NR4A3: variants seen among roughly 807,000 people sequenced by gnomAD.
NR4A3 encodes nuclear receptor subfamily 4 group A member 3.
Under a neutral mutation model 55.6 loss-of-function variants are expected in NR4A3, and 13 were observed. The observed-to-expected ratio is 0.23, with a 90% CI of 0.15 to 0.37. The LOEUF is 0.37. Among genes scored for constraint, NR4A3 ranks in the 10% least tolerant of loss-of-function variants. The probability of loss-of-function intolerance (pLI) is 1.00; values close to 1 mark genes in which losing one functional copy is unlikely to be tolerated. For synonymous variants in NR4A3, 342 were observed against 357.9 expected (o/e 0.96, Z 0.50); for missense variants, 646 against 822.8 (o/e 0.79, Z 2.63).
intron 7 of NR4A3, among the ~76,000 whole-genome samples, chr9:99,848,225 T>G (rs1157234994): frequency 6.6e-6 from 1 of 152,222 alleles, no homozygotes; most frequent in Non-Finnish European, 1.5e-5. Flanking sequence ...CGACCTAAAG[T>G]AAAACCAAAA....
chr9:99,860,687 C>T (rs1194132895), intron 7 of NR4A3, among the ~76,000 whole-genome samples: 1 of 152,196 alleles, frequency 6.6e-6, no homozygotes, highest in African/African-American at 2.4e-5. Context: ...GGAGACAGGT[C>T]CGCACCTGGG....
At position 99,828,547 on chromosome 9, in the gene NR4A3, C is replaced by G. The variant is rs1328725295; in HGVS notation, c.505C>G (p.Pro169Ala). 1 of 1,539,166 alleles carries G rather than the reference C, an allele frequency of 6.5e-7. No individual in the cohort carries two copies. The highest frequency in any genetic ancestry group is 1.9e-5 in the Admixed American group (1 of 51,792). Residue 169 changes from proline to alanine, a missense_variant, in exon 3 of 8, where the codon CCC becomes GCC. This residue lies in a region of NR4A3 where 426 missense variants were observed against 429.4 expected (regional missense o/e 0.99). Transcript: ENST00000395097. This position sits in a 1 kb window ranked among gnomAD's most constrained non-coding sequence, Gnocchi z 7.7. ...GCCCTCGGCGCCCGGCTGCATCGCA[C>G]CCGGCCCGCTGCTGGACCCGCCGAT... ...ALPSAPGCIA[P>A]GPLLDPPMKA... is the part of the protein sequence containing the mutation.
intron 5 of NR4A3, among the ~76,000 whole-genome samples, chr9:99,836,280 T>C (rs1199507351): frequency 6.6e-6 from 1 of 152,178 alleles, no homozygotes; most frequent in African/African-American, 2.4e-5. Flanking sequence ...ATTTAGAATT[T>C]AAACAAATGG....
chr9:99,833,812 C>T (rs1827497522), intron 5 of NR4A3: 1 of 1,302,318 alleles, frequency 7.7e-7, no homozygotes, highest in African/African-American at 1.5e-5. Context: ...ATATTGTGTT[C>T]AAACCATCTG....
chr9:99,865,209 C>T lies in NR4A3; in HGVS notation c.*1342C>T. 1 of 182,318 alleles carries T rather than the reference C, an allele frequency of 5.5e-6. No homozygotes were observed. The allele number at this position is 182,318 out of a possible 1,614,324, so 11.3% of individuals were successfully genotyped here. ...GTAATAGCTTTGCCTGTATTTATTG[C>T]AAGACCACCAGCTCCTGGAAGCTGA... is the stretch of plus-strand genomic sequence containing the variant. On this transcript the variant is annotated 3_prime_UTR_variant, in exon 8 of 8. Transcript: ENST00000395097. This position sits in a 1 kb window ranked among gnomAD's most constrained non-coding sequence, Gnocchi z 4.3.
At chr9:99,837,890 TC>T (rs1037844472) in intron 5 of NR4A3, among the ~76,000 whole-genome samples, 1 of 152,216 alleles carries the variant, frequency 6.6e-6, no homozygotes, top group Admixed American at 6.5e-5. Context: ...AGCAGTTTTC[TC>T]CATTTGTGGG....
At chr9:99,858,298 TCTATTATTTCA>T (rs763836373) in intron 7 of NR4A3, among the ~76,000 whole-genome samples, 36 of 152,130 alleles carry the variant, frequency 2.4e-4, no homozygotes, top group Non-Finnish European at 4.9e-4. Flanking sequence ...TAAATATAGC[TCTATTATTTCA>T]CTCCATCACT....
At chr9:99,837,197 A>G (rs1827572965) in intron 5 of NR4A3, among the ~76,000 whole-genome samples, 1 of 152,174 alleles carries the variant, frequency 6.6e-6, no homozygotes, top group South Asian at 2.1e-4. Flanking sequence ...ATATTCTTAC[A>G]TAATTTCACT....
intron 5 of NR4A3, among the ~76,000 whole-genome samples, chr9:99,842,458 C>T (rs569615628): frequency 8.5e-4 from 129 of 152,170 alleles, no homozygotes; most frequent in Non-Finnish European, 1.5e-3. Context: ...AGGCCAGACG[C>T]GGTGGCTCAC....
intron 5 of NR4A3, chr9:99,834,879 G>A: frequency 1.0e-6 from 1 of 984,510 alleles, no homozygotes; most frequent in Non-Finnish European, 1.2e-6. Flanking sequence ...AGTGGCTCTT[G>A]ACTACAATCA....
chr9:99,823,638 G>T (rs780805520), intron 1 of NR4A3, among the ~76,000 whole-genome samples: 4 of 152,096 alleles, frequency 2.6e-5, no homozygotes, highest in Non-Finnish European at 4.4e-5. Flanking sequence ...CACAATGAAT[G>T]AAGTTACTTT....
At chr9:99,851,137 C>G (rs1006531981) in intron 7 of NR4A3, among the ~76,000 whole-genome samples, 1 of 152,184 alleles carries the variant, frequency 6.6e-6, no homozygotes, top group Non-Finnish European at 1.5e-5. Flanking sequence ...GTGGTTTTAG[C>G]CTACAACAAA....
In NR4A3 at chr9:99,847,451, A is replaced by C. The variant is rs752426819; in HGVS notation, c.1469A>C (p.Glu490Ala). Residue 490 changes from glutamate to alanine, a missense_variant, in exon 7 of 8, where the codon GAA (glutamate) becomes GCA (alanine). Glu to Ala is a moderately radical substitution (Grantham distance 107). Transcript: ENST00000395097. ...TCACCTCCCAGGTCAAACACTGCTG[A>C]AGATAAGTTTGTGTTCTGCAATGGA... ...LRLSIRSNTA[E>A]DKFVFCNGLV... 6.2e-7 allele frequency: 1 copy of C among 1,614,168 alleles called. No homozygotes were observed. The highest frequency in any genetic ancestry group is 8.5e-7 in the Non-Finnish European group (1 of 1,180,008).
Position 99,828,744 on chromosome 9 carries a change from G to A in NR4A3, c.702G>A (p.Gln234=). Residue 234 remains glutamine, a synonymous_variant, in exon 3 of 8, where the codon CAG becomes CAA. Coordinates refer to ENST00000395097, the MANE Select transcript of NR4A3 (RefSeq NM_006981.4). This position sits in a 1 kb window ranked among gnomAD's most constrained non-coding sequence, Gnocchi z 7.7. The part of the protein sequence containing the change: ...PLGAAAAAGS[Q]AAALESHPYG... ...GAGCCGCAGCCGCCGCGGGCAGCCA[G>A]GCCGCCGCGCTTGAGAGCCACCCGT... The A allele has an allele frequency of 2.3e-6, 3 of 1,324,826 alleles. No homozygotes were observed. Among genetic ancestry groups the A allele is most frequent in the South Asian group, 3.9e-5 (2 of 50,788 alleles). The allele number at this position is 1,324,826 out of a possible 1,614,324, so 82.1% of individuals were successfully genotyped here.
intron 5 of NR4A3, among the ~76,000 whole-genome samples, chr9:99,837,406 C>T (rs990325234): frequency 6.6e-6 from 1 of 152,200 alleles, no homozygotes. Context: ...AAGGGGTTAA[C>T]TGGCTTGCCT....
rs966577464 is a variant in NR4A3, at chr9:99,825,683, C to A, written c.-152C>A. On this transcript the variant is annotated 5_prime_UTR_variant, in exon 2 of 8. Coordinates refer to ENST00000395097, the MANE Select transcript of NR4A3 (RefSeq NM_006981.4). This position sits in a 1 kb window ranked among gnomAD's most constrained non-coding sequence, Gnocchi z 5.0. ...GAGCCCACTGCGGAAGAGGGCAGCCCGGCAAGCCCGGGCCCTGAGCCTGGA... is the reference window on the plus strand; with the variant it reads ...GAGCCCACTGCGGAAGAGGGCAGCCAGGCAAGCCCGGGCCCTGAGCCTGGA... The A allele has an allele frequency of 1.3e-5, 2 of 158,252 alleles. No homozygotes were observed. 9.8% of individuals were successfully genotyped at this position (158,252 alleles called of 1,614,324 possible). A position where few individuals can be genotyped will look rare whatever the true frequency, so the allele number is the denominator to read the frequency against.
chr9:99,838,004 C>T (rs970182955), intron 5 of NR4A3, among the ~76,000 whole-genome samples: 1 of 152,158 alleles, frequency 6.6e-6, no homozygotes, highest in Non-Finnish European at 1.5e-5. Flanking sequence ...GCTCTGGGAC[C>T]TTCAGTTCTC....
intron 7 of NR4A3, among the ~76,000 whole-genome samples, chr9:99,862,738 T>C (rs1167699891): frequency 6.6e-6 from 1 of 152,062 alleles, no homozygotes; most frequent in Non-Finnish European, 1.5e-5. Context: ...CTGAGTGACT[T>C]TGGGAAATTC....
chr9:99,836,090 C>G (rs895987622), intron 5 of NR4A3, among the ~76,000 whole-genome samples: 1 of 152,086 alleles, frequency 6.6e-6, no homozygotes, highest in African/African-American at 2.4e-5. Flanking sequence ...GAGTTTTCAT[C>G]AAAAACTTGG....
Sources: gnomAD v4.1 joint callset for allele counts (sites outside exome capture counted in the v4.1 genomes callset) on GRCh38, gnomAD v4.1.1 for gene constraint, gnomAD v4.1.1 regional missense constraint, Gnocchi (gnomAD v3.1) non-coding constraint, MANE v1.5 for transcripts, NCBI Gene and HGNC (gene_info 2026-07-23, HGNC 2026-07-21) for gene names.